The following KCTD1 variants were observed in gnomAD, a reference collection of about 807,000 sequenced individuals.
The protein encoded by KCTD1 is potassium channel tetramerization domain containing 1, also known as BTB/POZ domain-containing protein KCTD1.
KCTD1 carries 24 observed loss-of-function variants against 66.0 expected under a neutral mutation model. The observed-to-expected ratio is 0.36, with a 90% CI of 0.26 to 0.51. KCTD1 has a LOEUF of 0.51. Ranked by LOEUF, KCTD1 falls within the 20% of genes least tolerant of loss-of-function variation. The pLI is 0.95. For synonymous variants in KCTD1, 511 were observed against 517.2 expected (o/e 0.99, Z 0.16); for missense variants, 943 against 1,205.2 (o/e 0.78, Z 3.22).
intron 1 of KCTD1, among the ~76,000 whole-genome samples, chr18:26,536,963 C>T (rs1446796165): frequency 1.3e-5 from 2 of 150,382 alleles, no homozygotes; most frequent in African/African-American, 4.9e-5. Context: ...TGGATCATTA[C>T]CACCCCCACC....
chr18:26,546,795 T>A lies in KCTD1; in HGVS notation c.1742A>T (p.Glu581Val), dbSNP rs1880509556. The change falls in exon 1 of 5, where the codon GAA (glutamate) becomes GTA (valine). Residue 581 changes from glutamate to valine, a missense_variant. Coordinates refer to ENST00000580059, the MANE Select transcript of KCTD1 (RefSeq NM_001142730.3). ...VKHDPLPLLPEANGHRSTNSP... is the reference protein window; with the variant it reads ...VKHDPLPLLPVANGHRSTNSP... ...ATTGGTGCTTCTGTGCCCATTGGCT[T>A]CTGGAAGAAGAGGCAGGGGGTCGTG... 18 of 1,548,990 alleles carry A rather than the reference T, an allele frequency of 1.2e-5. No individual in the cohort carries two copies. The highest frequency in any genetic ancestry group is 1.6e-5 in the Non-Finnish European group (18 of 1,146,110).
chr18:26,637,346 A>G (rs2145056744), intron 1 of KCTD1, among the ~76,000 whole-genome samples: 1 of 152,312 alleles, frequency 6.6e-6, no homozygotes, highest in Middle Eastern at 3.4e-3. Context: ...CTTTATGTGA[A>G]CCCCAGAGAC....
intron 1 of KCTD1, among the ~76,000 whole-genome samples, chr18:26,532,175 G>A (rs998637602): frequency 1.3e-5 from 2 of 152,052 alleles, no homozygotes; most frequent in Middle Eastern, 3.4e-3. Flanking sequence ...GAGAAGAGGC[G>A]GCTTTGTCAA....
At chr18:26,486,174 G>C (rs1226267501) in intron 2 of KCTD1, among the ~76,000 whole-genome samples, 1 of 152,236 alleles carries the variant, frequency 6.6e-6, no homozygotes, top group Non-Finnish European at 1.5e-5. Context: ...GCCTCCCAAA[G>C]TGTTGGGATT....
At chr18:26,601,429 CT>C (rs1986897896) in intron 1 of KCTD1, among the ~76,000 whole-genome samples, 1 of 150,190 alleles carries the variant, frequency 6.7e-6, no homozygotes, top group African/African-American at 2.5e-5. Context: ...TATGACTATC[CT>C]TATGTCAGCA....
At position 26,594,387 on chromosome 18, in the gene KCTD1, G is replaced by A. The variant is rs80104989; in HGVS notation, c.-16+34760C>T. On this transcript the variant is annotated intron_variant, in intron 1 of 4. Coordinates refer to the KCTD1 transcript ENST00000317932. ...TTCTTAATTGATGTCTAGAAGTCAG[G>A]TGGAGGAGAGAAGTGATTTTTGTTG... 3.3e-5 allele frequency among the ~76,000 whole-genome samples: 5 copies of A among 152,326 alleles called. No homozygotes were observed. In the East Asian group the frequency reaches 7.7e-4, roughly 23 times the overall value.
intron 1 of KCTD1, among the ~76,000 whole-genome samples, chr18:26,584,156 G>T (rs925870122): frequency 6.6e-6 from 1 of 152,142 alleles, no homozygotes; most frequent in Non-Finnish European, 1.5e-5. Flanking sequence ...GGCTTTGAGG[G>T]CTCATCAAGT....
intron 1 of KCTD1, among the ~76,000 whole-genome samples, chr18:26,620,624 CAG>C (rs1293049624): frequency 6.6e-6 from 1 of 151,542 alleles, no homozygotes; most frequent in African/African-American, 2.4e-5. Context: ...TTTGTAGAGA[CAG>C]GGTTTCGCCA....
chr18:26,610,291 G>C (rs1987105326), intron 1 of KCTD1, among the ~76,000 whole-genome samples: 1 of 152,054 alleles, frequency 6.6e-6, no homozygotes, highest in African/African-American at 2.4e-5. Context: ...GACTATCTTT[G>C]GCCAGGCATG....
chr18:26,627,977 C>T (rs1046989203), intron 1 of KCTD1, among the ~76,000 whole-genome samples: 4 of 152,172 alleles, frequency 2.6e-5, no homozygotes, highest in Non-Finnish European at 4.4e-5. Flanking sequence ...TGCAGGCTGC[C>T]GGGAGGTTGC....
At chr18:26,521,177 G>A (rs911500935) in intron 1 of KCTD1, among the ~76,000 whole-genome samples, 1 of 152,240 alleles carries the variant, frequency 6.6e-6, no homozygotes, top group Admixed American at 6.5e-5. Flanking sequence ...GATCATCACA[G>A]AGGGGCTTTG....
rs1987183226 is a variant in KCTD1, at chr18:26,613,545, G to A, written c.-16+15602C>T. On this transcript the variant is annotated intron_variant, in intron 1 of 4. Transcript: ENST00000317932. The stretch of plus-strand genomic sequence containing the variant: ...CAAAAGGAGAGAATCACATTTTTTG[G>A]TTTCATTCTGGAGATTCAAATTAAC... 2.0e-5 allele frequency among the ~76,000 whole-genome samples: 3 copies of A among 152,206 alleles called. No homozygotes were observed. In the South Asian group the frequency reaches 6.2e-4, roughly 32 times the overall value.
chr18:26,493,692 G>T (rs1356435952), intron 2 of KCTD1, among the ~76,000 whole-genome samples: 1 of 152,088 alleles, frequency 6.6e-6, no homozygotes, highest in Non-Finnish European at 1.5e-5. Flanking sequence ...TTTATCCTTT[G>T]CATTACAAAC....
Position 26,599,919 on chromosome 18 carries a change from T to G in KCTD1, c.-16+29228A>C. 7.6e-6 allele frequency: 12 copies of G among 1,571,952 alleles called. No individual in the cohort carries two copies. In the South Asian group the frequency reaches 1.3e-4, roughly 17 times the overall value. ...AAAACTTTGAAGTGGGTTCTTCTAGTCAGCTTAAGTTTTCCATCACCAAGA... is the reference window on the plus strand; with the variant it reads ...AAAACTTTGAAGTGGGTTCTTCTAGGCAGCTTAAGTTTTCCATCACCAAGA... On this transcript the variant is annotated intron_variant, in intron 1 of 4. Transcript: ENST00000317932.
chr18:26,617,412 G>A (rs550842434), intron 1 of KCTD1, among the ~76,000 whole-genome samples: 92 of 152,308 alleles, frequency 6.0e-4, no homozygotes, highest in African/African-American at 1.7e-3. Context: ...CTCCCATGCC[G>A]TGTTTGAGGA....
At chr18:26,507,466 G>A (rs573459651) in intron 1 of KCTD1, among the ~76,000 whole-genome samples, 64 of 152,180 alleles carry the variant, frequency 4.2e-4, no homozygotes, top group African/African-American at 1.5e-3. Context: ...AGCTCCTGGG[G>A]TCAAGCGATC....
At chr18:26,466,295 CAT>C (rs1038837431) in intron 3 of KCTD1, among the ~76,000 whole-genome samples, 3 of 152,338 alleles carry the variant, frequency 2.0e-5, no homozygotes, top group Non-Finnish European at 4.4e-5. Flanking sequence ...GAGACTGGCA[CAT>C]GTTAATGGCA....
At chr18:26,627,138 A>G (rs1987518628) in intron 1 of KCTD1, among the ~76,000 whole-genome samples, 1 of 151,992 alleles carries the variant, frequency 6.6e-6, no homozygotes, top group African/African-American at 2.4e-5. Flanking sequence ...CCTCCTTTGC[A>G]CCTGGAAACT....
At chr18:26,469,428 A>G (rs142012324) in intron 3 of KCTD1, among the ~76,000 whole-genome samples, 6 of 152,294 alleles carry the variant, frequency 3.9e-5, no homozygotes, top group Middle Eastern at 3.4e-3. Flanking sequence ...CTTGGAGGAA[A>G]AATAATGCCT....
Sources: gnomAD v4.1 joint callset for allele counts (sites outside exome capture counted in the v4.1 genomes callset) on GRCh38, gnomAD v4.1.1 for gene constraint, MANE v1.5 for transcripts, NCBI Gene and HGNC (gene_info 2026-07-23, HGNC 2026-07-21) for gene names.